SLC22A3: variants seen among roughly 807,000 people sequenced by gnomAD.
SLC22A3 encodes the protein EMT organic cation transporter 3.
SLC22A3 carries 51 observed loss-of-function variants against 59.1 expected under a neutral mutation model. The observed-to-expected ratio is 0.86, with a 90% CI of 0.69 to 1.09. SLC22A3 has a LOEUF of 1.09. Ranked by LOEUF, SLC22A3 falls within the 50% of genes least tolerant of loss-of-function variation. The probability of loss-of-function intolerance (pLI) is 0.00; values close to 1 mark genes in which losing one functional copy is unlikely to be tolerated. For synonymous variants in SLC22A3, 325 were observed against 292.0 expected (o/e 1.11, Z -1.15); for missense variants, 711 against 726.3 (o/e 0.98, Z 0.24).
At chr6:160,390,809 G>A (rs976420131) in intron 1 of SLC22A3, among the ~76,000 whole-genome samples, 14 of 152,138 alleles carry the variant, frequency 9.2e-5, no homozygotes, top group African/African-American at 3.4e-4. Flanking sequence ...GAAACTGGGT[G>A]GTTTCAGAAA....
chr6:160,397,077 A>G (rs769712230), intron 1 of SLC22A3, among the ~76,000 whole-genome samples: 3 of 152,304 alleles, frequency 2.0e-5, no homozygotes, highest in South Asian at 2.1e-4. Flanking sequence ...TATTGCAGCC[A>G]TCCCTTCCTT....
At chr6:160,385,766 G>T (rs902968771) in intron 1 of SLC22A3, among the ~76,000 whole-genome samples, 9 of 152,128 alleles carry the variant, frequency 5.9e-5, no homozygotes, top group African/African-American at 1.7e-4. Flanking sequence ...CTCTTGCCTG[G>T]GACAGATGAC....
intron 1 of SLC22A3, among the ~76,000 whole-genome samples, chr6:160,380,074 A>G (rs1343458613): frequency 6.6e-6 from 1 of 152,198 alleles, no homozygotes; most frequent in Admixed American, 6.5e-5. Context: ...ATGGATATTT[A>G]TAGAATATAC....
intron 7 of SLC22A3, among the ~76,000 whole-genome samples, chr6:160,438,010 G>A (rs1788412656): frequency 6.6e-6 from 1 of 152,210 alleles, no homozygotes; most frequent in South Asian, 2.1e-4. Flanking sequence ...CGGAGGAGGA[G>A]GAGTGAGTTT....
At chr6:160,386,676 C>CCACCAG (rs751202850) in intron 1 of SLC22A3, among the ~76,000 whole-genome samples, 1 of 152,204 alleles carries the variant, frequency 6.6e-6, no homozygotes, top group Non-Finnish European at 1.5e-5. Context: ...GCAGCTGCTG[C>CCACCAG]CACCAGCAGC....
chr6:160,438,138 CAG>C (rs764808910), intron 7 of SLC22A3, among the ~76,000 whole-genome samples: 1 of 152,226 alleles, frequency 6.6e-6, no homozygotes, highest in Non-Finnish European at 1.5e-5. Context: ...AGAGATGTTG[CAG>C]AGTTAAATTT....
intron 2 of SLC22A3, among the ~76,000 whole-genome samples, chr6:160,405,611 A>C (rs911983602): frequency 6.6e-6 from 1 of 152,184 alleles, no homozygotes; most frequent in Non-Finnish European, 1.5e-5. Context: ...ATGTTCACCC[A>C]AAAACCTACA....
In SLC22A3 at chr6:160,415,043, C is replaced by T. The variant is rs1303434340; in HGVS notation, c.975+4197C>T. ...AGTTCCAGTCTCACACATGGAATCA[C>T]CTATTTCTCCAAGGGAGCTTTGGTT... On this transcript the variant is annotated intron_variant, in intron 5 of 10. Coordinates refer to ENST00000275300, the MANE Select transcript of SLC22A3 (RefSeq NM_021977.4). The surrounding 1 kb of genome is among the most constrained non-coding windows in gnomAD (Gnocchi z 4.1). Among the ~76,000 whole-genome samples the T allele has an allele frequency of 6.6e-6, 1 of 152,180 alleles. No homozygotes were observed. The highest frequency in any genetic ancestry group is 1.5e-5 in the Non-Finnish European group (1 of 68,040).
chr6:160,410,827 T>G lies in SLC22A3; in HGVS notation c.956T>G (p.Leu319Arg). 6.2e-7 allele frequency: 1 copy of G among 1,602,994 alleles called. No homozygotes were observed. Among genetic ancestry groups the G allele is most frequent in the African/African-American group, 1.3e-5 (1 of 74,804 alleles). ...ATTGCTAAGTGCAATGGGAAATACC[T>G]CTCATCAAATTACTCAGAGGTAATT... ...RRIAKCNGKYLSSNYSEITVT... is the reference protein window; with the variant it reads ...RRIAKCNGKYRSSNYSEITVT... Residue 319 changes from leucine (L) to arginine (R), a missense_variant, in exon 5 of 11, where the codon CTC (leucine) becomes CGC (arginine). Physicochemically the swap from Leu to Arg is moderately radical, Grantham distance 102 (BLOSUM62 -2). Transcript: ENST00000275300.
chr6:160,392,825 A>T (rs574094494), intron 1 of SLC22A3, among the ~76,000 whole-genome samples: 1 of 152,266 alleles, frequency 6.6e-6, no homozygotes, highest in East Asian at 1.9e-4. Context: ...ATGGAGGTCT[A>T]CATGTCATTG....
At chr6:160,386,736 A>G (rs1210485789) in intron 1 of SLC22A3, among the ~76,000 whole-genome samples, 37 of 152,230 alleles carry the variant, frequency 2.4e-4, no homozygotes, top group Admixed American at 2.4e-3. Context: ...CTCTCCAAGA[A>G]GGGCAGAGGT....
chr6:160,398,897 C>A (rs999082647), intron 2 of SLC22A3, among the ~76,000 whole-genome samples: 1 of 151,950 alleles, frequency 6.6e-6, no homozygotes, highest in Non-Finnish European at 1.5e-5. Context: ...CATATCTGGC[C>A]TAATATTGTT....
chr6:160,356,998 A>G (rs1784861717), intron 1 of SLC22A3, among the ~76,000 whole-genome samples: 1 of 152,176 alleles, frequency 6.6e-6, no homozygotes, highest in Non-Finnish European at 1.5e-5. Context: ...GTGAATAAAT[A>G]AATGTAATTT....
chr6:160,364,588 A>G (rs866681510), intron 1 of SLC22A3, among the ~76,000 whole-genome samples: 5 of 152,224 alleles, frequency 3.3e-5, no homozygotes, highest in Non-Finnish European at 7.3e-5. Context: ...CAGTAAAGGG[A>G]GGCTATCAAA....
At chr6:160,413,725 G>T (rs1364736551) in intron 5 of SLC22A3, among the ~76,000 whole-genome samples, 1 of 152,166 alleles carries the variant, frequency 6.6e-6, no homozygotes, top group Non-Finnish European at 1.5e-5. Flanking sequence ...TGGGAGCAAA[G>T]ATGGGGCCAT....
intron 1 of SLC22A3, among the ~76,000 whole-genome samples, chr6:160,383,023 C>T (rs1029951559): frequency 3.3e-5 from 5 of 152,050 alleles, no homozygotes; most frequent in African/African-American, 1.2e-4. Flanking sequence ...AAAATACCCA[C>T]AAAAAACACT....
chr6:160,442,654 A>G (rs1176819725), intron 7 of SLC22A3, 107 bp from the exon 8 acceptor site: 4 of 822,342 alleles, frequency 4.9e-6, no homozygotes, highest in Non-Finnish European at 8.4e-6. Context: ...TAAAATTGGC[A>G]AAGACTTCAG....
At chr6:160,422,102 A>G (rs1787763353) in intron 5 of SLC22A3, among the ~76,000 whole-genome samples, 1 of 152,212 alleles carries the variant, frequency 6.6e-6, no homozygotes, top group African/African-American at 2.4e-5. Context: ...CCATGGCAGT[A>G]CTGCTTGCTA....
chr6:160,355,779 C>CAAA, intron 1 of SLC22A3, among the ~76,000 whole-genome samples: 1 of 135,004 alleles, frequency 7.4e-6, no homozygotes, highest in Non-Finnish European at 1.7e-5. Flanking sequence ...CTCAAAACAA[C>CAAA]AACAACAACA....
Sources: gnomAD v4.1 joint callset for allele counts (sites outside exome capture counted in the v4.1 genomes callset) on GRCh38, gnomAD v4.1.1 for gene constraint, Gnocchi (gnomAD v3.1) non-coding constraint, MANE v1.5 for transcripts, NCBI Gene and HGNC (gene_info 2026-07-23, HGNC 2026-07-21) for gene names.